The following DUS1L variants were observed in gnomAD, a reference collection of about 807,000 sequenced individuals.
DUS1L encodes dihydrouridine synthase 1 like, also known as tRNA-dihydrouridine(16/17) synthase [NAD(P)(+)]-like.
A neutral mutation model predicts 61.2 loss-of-function variants in DUS1L; 56 were observed. That is an observed-to-expected ratio of 0.92 (90% CI 0.74 to 1.14). DUS1L has a LOEUF of 1.14. Among genes scored for constraint, DUS1L ranks in the 50% most tolerant of loss-of-function variants. The probability of loss-of-function intolerance (pLI) is 0.00; values close to 1 mark genes in which losing one functional copy is unlikely to be tolerated. For synonymous variants in DUS1L, 278 were observed against 259.5 expected, an observed-to-expected ratio of 1.07 and a Z score of -0.69; for missense variants, 630 against 632.4, an observed-to-expected ratio of 1.00 and a Z score of 0.04.
At position 82,064,784 on chromosome 17, in the gene DUS1L, A is replaced by G. The variant is rs201047778; in HGVS notation, c.237+39T>C. On this transcript the variant is annotated intron_variant, in intron 2 of 13. Coordinates refer to ENST00000306796, the MANE Select transcript of DUS1L (RefSeq NM_022156.5). ...TTTCCCCAGGCATTCCAGGACCGGG[A>G]ACCCAACCGCGGCCGCGGCCACAGC... The G allele has an allele frequency of 5.3e-6, 8 of 1,506,780 alleles. No homozygotes were observed. In the South Asian group the frequency reaches 6.0e-5, roughly 11 times the overall value. 93.3% of individuals were successfully genotyped at this position (1,506,780 alleles called of 1,614,324 possible).
At position 82,060,531 on chromosome 17, in the gene DUS1L, C is replaced by T; in HGVS notation, c.1022+170G>A. 4 of 791,972 alleles carry T rather than the reference C, an allele frequency of 5.1e-6. No homozygotes were observed. The South Asian group carries it at 5.5e-5, about 11-fold the overall frequency. 49.1% of individuals were successfully genotyped at this position (791,972 alleles called of 1,614,324 possible). ...CCTCCACCAAGGACACCGAGGGGCA[C>T]GTGGAAGGTGTGTGCTGCTCGGAGC... is the stretch of plus-strand genomic sequence containing the variant. On this transcript the variant is annotated intron_variant, in intron 10 of 13. Coordinates refer to ENST00000306796, the MANE Select transcript of DUS1L (RefSeq NM_022156.5).
In DUS1L at chr17:82,064,801, G is replaced by A. The variant is rs142807010; in HGVS notation, c.237+22C>T. 750 of 1,587,174 alleles carry A rather than the reference G, an allele frequency of 4.7e-4. 9 individuals carry two copies. In the South Asian group the frequency reaches 7.0e-3, roughly 15 times the overall value. On this transcript the variant is annotated intron_variant, in intron 2 of 13. Coordinates refer to ENST00000306796, the MANE Select transcript of DUS1L (RefSeq NM_022156.5). Reference sequence around the variant, plus strand: ...GGACCGGGAACCCAACCGCGGCCGCGGCCACAGCCCCTCCTGCGCACCTGC... The same window carrying A: ...GGACCGGGAACCCAACCGCGGCCGCAGCCACAGCCCCTCCTGCGCACCTGC...
Position 82,061,623 on chromosome 17 carries a change from C to T in DUS1L, c.692G>A (p.Ser231Asn). Residue 231 changes from serine (S) to asparagine (N), a missense_variant, in exon 7 of 14, where the codon AGC (serine) becomes AAC (asparagine). Physicochemically the swap from Ser to Asn is conservative, Grantham distance 46. Coordinates refer to ENST00000306796, the MANE Select transcript of DUS1L (RefSeq NM_022156.5). ...CTGTCCTGGGCCCTGCCCACCTGCGCTCATGACGCCCTGCACACCCGTGTC... is the reference window on the plus strand; with the variant it reads ...CTGTCCTGGGCCCTGCCCACCTGCGTTCATGACGCCCTGCACACCCGTGTC... ...LRDTGVQGVMSAEGNLHNPAL... is the reference protein window; with the variant it reads ...LRDTGVQGVMNAEGNLHNPAL... 4 of 1,611,158 alleles carry T rather than the reference C, an allele frequency of 2.5e-6. No homozygotes were observed. Among genetic ancestry groups the T allele is most frequent in the Non-Finnish European group, 3.4e-6 (4 of 1,179,470 alleles).
rs1033935776 is a variant in DUS1L, at chr17:82,060,204, G to A, written c.1023-111C>T. 2.5e-5 allele frequency: 34 copies of A among 1,383,470 alleles called. No individual in the cohort carries two copies. The East Asian group carries it at 2.7e-4, about 11-fold the overall frequency. The allele number at this position is 1,383,470 out of a possible 1,614,324, so 85.7% of individuals were successfully genotyped here. On this transcript the variant is annotated intron_variant, in intron 10 of 13. Transcript: ENST00000306796. ...GGGCCAGGCGGCCGTGGCGAGTGCC[G>A]CTGCTGTGAGGAGTGCCCTCCTTTC...
chr17:82,064,015 T>C, intron 3 of DUS1L, 111 bp downstream of exon 3: 1 of 919,566 alleles, frequency 1.1e-6, no homozygotes, highest in Non-Finnish European at 1.7e-6. Flanking sequence ...CCTGAGCCAC[T>C]GTCACGACAG....
chr17:82,063,132 C>A (rs975108387), intron 4 of DUS1L, 159 bp from the exon 5 acceptor site: 15 of 677,088 alleles, frequency 2.2e-5, no homozygotes, highest in Non-Finnish European at 3.8e-5. Context: ...CCTCAGGTTG[C>A]TGGGCAGGCT....
At position 82,061,538 on chromosome 17, in the gene DUS1L, G is replaced by C. The variant is rs1231068057; in HGVS notation, c.697+80C>G. ...GAACAGCACCATGGGGAGGGCAGTA[G>C]GCAGTGGGAGGCACCGACCTGGGCG... On this transcript the variant is annotated intron_variant, in intron 7 of 13. Coordinates refer to ENST00000306796, the MANE Select transcript of DUS1L (RefSeq NM_022156.5). 3 of 1,475,060 alleles carry C rather than the reference G, an allele frequency of 2.0e-6. No homozygotes were observed. The South Asian group carries it at 3.5e-5, about 17-fold the overall frequency. 91.4% of individuals were successfully genotyped at this position (1,475,060 alleles called of 1,614,324 possible).
At chr17:82,063,598 T>C (rs2144745275) in intron 3 of DUS1L, 80 bp from the exon 4 acceptor site, 2 of 1,579,838 alleles carry the variant, frequency 1.3e-6, no homozygotes, top group Non-Finnish European at 1.7e-6. Flanking sequence ...TCTGCACCCT[T>C]TCCTGCATCC....
At position 82,059,549 on chromosome 17, in the gene DUS1L, G is replaced by A. The variant is rs556887255; in HGVS notation, c.1168+399C>T. ...AGAGAGGGGCGAGCAGCCTCGTCCCGTGCCTTTGGCCCAGCAACAAGACCC... is the reference window on the plus strand; with the variant it reads ...AGAGAGGGGCGAGCAGCCTCGTCCCATGCCTTTGGCCCAGCAACAAGACCC... On this transcript the variant is annotated intron_variant, in intron 11 of 13. Coordinates refer to ENST00000306796, the MANE Select transcript of DUS1L (RefSeq NM_022156.5). The A allele has an allele frequency of 4.2e-5, 8 of 189,688 alleles. No individual in the cohort carries two copies. The South Asian group carries it at 5.9e-4, about 14-fold the overall frequency. The allele number at this position is 189,688 out of a possible 1,614,324, so 11.8% of individuals were successfully genotyped here.
At chr17:82,062,023 T>TTCCGCCCCTCAGAGCCCCC in intron 5 of DUS1L, 40 bp from the exon 6 acceptor site, 1 of 1,518,926 alleles carries the variant, frequency 6.6e-7, no homozygotes, top group Non-Finnish European at 8.9e-7. Flanking sequence ...TCCAAGCCCC[T>TTCCGCCCCTCAGAGCCCCC]TCCGCCCCTC....
intron 12 of DUS1L, 147 bp downstream of exon 12, chr17:82,058,634 G>A (rs1418299228): frequency 6.6e-7 from 1 of 1,516,564 alleles, no homozygotes; most frequent in Non-Finnish European, 8.8e-7. Context: ...GGAAGCAAGG[G>A]GCCGTCCTGA....
chr17:82,065,238 G>C (rs1268642560), intron 1 of DUS1L, 169 bp from the exon 2 acceptor site: 2 of 592,012 alleles, frequency 3.4e-6, no homozygotes, highest in African/African-American at 3.7e-5. Context: ...CCACTCCAGT[G>C]CCGCCACCTC....
chr17:82,065,263 G>T, intron 1 of DUS1L, 194 bp from the exon 2 acceptor site: 3 of 557,780 alleles, frequency 5.4e-6, no homozygotes, highest in Non-Finnish European at 9.4e-6. Flanking sequence ...CGGACCTCGG[G>T]GGAGCCGCTG....
intron 10 of DUS1L, 118 bp downstream of exon 10, chr17:82,060,583 G>T (rs2033433939): frequency 7.6e-6 from 10 of 1,322,392 alleles, no homozygotes; most frequent in Middle Eastern, 5.1e-4. Flanking sequence ...CTTTCCCTTG[G>T]GCAGGAGATG....
chr17:82,060,692 G>C lies in DUS1L; in HGVS notation c.1022+9C>G. On this transcript the variant is annotated intron_variant, in intron 10 of 13. Coordinates refer to ENST00000306796, the MANE Select transcript of DUS1L (RefSeq NM_022156.5). ...GCACATCCCCGCCCAGGGCTGGCTG[G>C]GCTCTCACCCCGGCCGGATGTAGGG... The C allele has an allele frequency of 6.2e-7, 1 of 1,612,098 alleles. No homozygotes were observed. The highest frequency in any genetic ancestry group is 1.3e-5 in the African/African-American group (1 of 75,038).
At chr17:82,061,480 C>T in intron 7 of DUS1L, 127 bp from the exon 8 acceptor site, 1 of 1,447,208 alleles carries the variant, frequency 6.9e-7, no homozygotes, top group Non-Finnish European at 9.4e-7. Flanking sequence ...TCAGGCCCAT[C>T]AGAGCAGACT....
chr17:82,061,848 G>A, intron 6 of DUS1L, 53 bp downstream of exon 6: 2 of 1,586,836 alleles, frequency 1.3e-6, no homozygotes, highest in Non-Finnish European at 1.7e-6. Flanking sequence ...GTGGAGCTGG[G>A]ACCCCCAGCA....
chr17:82,062,762 G>T lies in DUS1L; in HGVS notation c.510+99C>A. 6 of 1,096,882 alleles carry T rather than the reference G, an allele frequency of 5.5e-6. No individual in the cohort carries two copies. The South Asian group carries it at 8.1e-5, about 15-fold the overall frequency. 67.9% of individuals were successfully genotyped at this position (1,096,882 alleles called of 1,614,324 possible). ...GGAGGGCCACTGCCCCCATGAGGCC[G>T]ACGGTGCACGGTGTCTGGACACAGG... On this transcript the variant is annotated intron_variant, in intron 5 of 13. Transcript: ENST00000306796.
In DUS1L at chr17:82,061,385, G is replaced by A. The variant is rs199598057; in HGVS notation, c.698-32C>T. The A allele has an allele frequency of 1.1e-4, 166 of 1,549,144 alleles. 1 individual carries two copies. In the Middle Eastern group the frequency reaches 1.6e-3, roughly 15 times the overall value. ...GAGGAGGAGCGGGGAAGGACACCTC[G>A]TGGGTTGCTCCAGGTGGACGGCACA... On this transcript the variant is annotated intron_variant, in intron 7 of 13. Transcript: ENST00000306796.
Sources: gnomAD v4.1 joint callset for allele counts on GRCh38, gnomAD v4.1.1 for gene constraint, MANE v1.5 for transcripts, NCBI Gene and HGNC (gene_info 2026-07-23, HGNC 2026-07-21) for gene names.